MED12L: variants seen among roughly 807,000 people sequenced by gnomAD.
The protein encoded by MED12L is mediator of RNA polymerase II transcription subunit 12-like protein.
In MED12L, 60 loss-of-function variants were observed where a neutral mutation model predicts 281.3. That is an observed-to-expected ratio of 0.21 (90% CI 0.17 to 0.26). MED12L has a LOEUF of 0.26. MED12L is among the 10% of genes least tolerant of loss of function. The pLI is 1.00. For missense variants in MED12L, 2,146 were observed against 2,680.9 expected, an observed-to-expected ratio of 0.80 and a Z score of 4.41; for synonymous variants, 974 against 987.2, an observed-to-expected ratio of 0.99 and a Z score of 0.25.
At position 151,086,942 on chromosome 3, in the gene MED12L, C is replaced by T. The variant is rs532455340; in HGVS notation, c.16C>T (p.Leu6Phe). ...ATGAGAGATCATGGCCGCCTTCGGG[C>T]TTCTCAGCTATGAGCAGAGACCGCT... MAAFG[L>F]LSYEQRPLKR... The change falls in exon 2 of 45, where the codon CTT (leucine) becomes TTT (phenylalanine). Residue 6 changes from leucine (L) to phenylalanine (F), a missense_variant. Physicochemically the swap from Leu to Phe is conservative, Grantham distance 22. Transcript: ENST00000687756. 5 of 1,603,550 alleles carry T rather than the reference C, an allele frequency of 3.1e-6. No homozygotes were observed. The highest frequency in any genetic ancestry group is 1.7e-5 in the Admixed American group (1 of 58,904).
At chr3:151,424,578 G>A (rs530321102) in intron 43 of MED12L, among the ~76,000 whole-genome samples, 13 of 152,150 alleles carry the variant, frequency 8.5e-5, no homozygotes, top group Non-Finnish European at 1.0e-4. Context: ...CCGAGATTGC[G>A]CCACTGCACT....
In MED12L at chr3:151,433,488, T is replaced by TAA. The variant is rs1346682791; in HGVS notation, c.*685_*686dup. ...ACCAAGGTTTCTTTGAGAGCCGCCC[T>TAA]AAGATGTGCGGAAACCTGTTAGAAG... On this transcript the variant is annotated 3_prime_UTR_variant, in exon 45 of 45. Coordinates refer to ENST00000687756, the MANE Select transcript of MED12L (RefSeq NM_001393769.1). The TAA allele has an allele frequency of 2.0e-5, 3 of 152,648 alleles. No homozygotes were observed. Among genetic ancestry groups the TAA allele is most frequent in the African/African-American group, 7.2e-5 (3 of 41,468 alleles). 9.5% of individuals were successfully genotyped at this position (152,648 alleles called of 1,614,324 possible). A position where few individuals can be genotyped will look rare whatever the true frequency, so the allele number is the denominator to read the frequency against.
In MED12L at chr3:151,380,611, AAAAAC is replaced by A. The variant is rs1419153641; in HGVS notation, c.4590+390_4590+394del. Among the ~76,000 whole-genome samples, 4 of 152,040 alleles carry A rather than the reference AAAAAC, an allele frequency of 2.6e-5. No homozygotes were observed. The East Asian group carries it at 7.7e-4, about 29-fold the overall frequency. Reference sequence around the variant, plus strand: ...AAACTCTGTCTCAAAAAAAAAAAAAAAAAACAACTAGTAAGGTTACAAAATGTTTT... The same window carrying A: ...AAACTCTGTCTCAAAAAAAAAAAAAAAACTAGTAAGGTTACAAAATGTTTT... On this transcript the variant is annotated intron_variant, in intron 32 of 44. Transcript: ENST00000687756.
At chr3:151,430,407 A>G (rs1159950928) in intron 44 of MED12L, 27 bp downstream of exon 44, 1 of 1,611,510 alleles carries the variant, frequency 6.2e-7, no homozygotes, top group Non-Finnish European at 8.5e-7. Flanking sequence ...GTCATGGAAC[A>G]GACAGCTCCC....
At chr3:151,110,116 G>A (rs1453567543) in intron 2 of MED12L, among the ~76,000 whole-genome samples, 6 of 152,176 alleles carry the variant, frequency 3.9e-5, no homozygotes, top group Admixed American at 3.9e-4. Flanking sequence ...AAGAGGTTTG[G>A]GGCTAGTACA....
At chr3:151,146,936 G>A (rs1717834042) in intron 5 of MED12L, among the ~76,000 whole-genome samples, 1 of 152,144 alleles carries the variant, frequency 6.6e-6, no homozygotes, top group South Asian at 2.1e-4. Context: ...CACTGAGGCA[G>A]CAGTTTTCAT....
intron 16 of MED12L, among the ~76,000 whole-genome samples, chr3:151,234,237 A>G (rs1002834414): frequency 6.6e-6 from 1 of 152,266 alleles, no homozygotes; most frequent in Non-Finnish European, 1.5e-5. Flanking sequence ...GTGAAATTTT[A>G]TGCAGCAGTG....
intron 2 of MED12L, among the ~76,000 whole-genome samples, chr3:151,109,011 A>G (rs536086558): frequency 1.8e-4 from 27 of 152,312 alleles, no homozygotes; most frequent in Middle Eastern, 3.4e-3. Context: ...AGGTAAATGC[A>G]TGAGATTTAT....
At chr3:151,273,846 CTGT>C (rs1476137200) in intron 16 of MED12L, among the ~76,000 whole-genome samples, 2 of 152,304 alleles carry the variant, frequency 1.3e-5, no homozygotes, top group Non-Finnish European at 2.9e-5. Flanking sequence ...GTGATGCAGA[CTGT>C]TGTTTTCAAA....
chr3:151,390,530 G>A (rs1714069917), intron 38 of MED12L, among the ~76,000 whole-genome samples: 1 of 152,088 alleles, frequency 6.6e-6, no homozygotes, highest in African/African-American at 2.4e-5. Flanking sequence ...TAAGAAAATT[G>A]GTTCAGCAAG....
At chr3:151,338,203 C>G in intron 16 of MED12L, 3 of 1,614,068 alleles carry the variant, frequency 1.9e-6, no homozygotes, top group Non-Finnish European at 2.5e-6. Context: ...CGGTACAGTT[C>G]TTTTGTAATG....
chr3:151,096,725 T>A (rs1305622452), intron 2 of MED12L, among the ~76,000 whole-genome samples: 2 of 152,236 alleles, frequency 1.3e-5, no homozygotes, highest in East Asian at 3.8e-4. Context: ...ACCATCTCAT[T>A]CAATACAAAA....
intron 5 of MED12L, among the ~76,000 whole-genome samples, chr3:151,152,954 C>T (rs1413755672): frequency 6.6e-6 from 1 of 152,214 alleles, no homozygotes; most frequent in South Asian, 2.1e-4. Flanking sequence ...TTCCATTTCT[C>T]TCTTTAATAC....
At chr3:151,098,873 A>G (rs1576720911) in intron 2 of MED12L, among the ~76,000 whole-genome samples, 1 of 152,160 alleles carries the variant, frequency 6.6e-6, no homozygotes, top group African/African-American at 2.4e-5. Flanking sequence ...GTAATTTATA[A>G]AGAAAAAGAG....
At chr3:151,140,594 G>A (rs1273891579) in intron 5 of MED12L, among the ~76,000 whole-genome samples, 1 of 152,206 alleles carries the variant, frequency 6.6e-6, no homozygotes, top group Non-Finnish European at 1.5e-5. Context: ...CTGGTGTGTG[G>A]TTGTGGTGGT....
chr3:151,140,684 A>AT (rs61191389), intron 5 of MED12L, among the ~76,000 whole-genome samples: 4 of 151,698 alleles, frequency 2.6e-5, no homozygotes, highest in Admixed American at 6.5e-5. Flanking sequence ...TTATTTATTT[A>AT]TTATTTATTT....
intron 38 of MED12L, 85 bp from the exon 39 acceptor site, chr3:151,394,571 A>G: frequency 1.3e-6 from 2 of 1,575,060 alleles, no homozygotes; most frequent in Non-Finnish European, 1.7e-6. Context: ...GAGACTTAGA[A>G]GGTGAAATTT....
At chr3:151,296,819 T>TA (rs1291583737) in intron 16 of MED12L, among the ~76,000 whole-genome samples, 6 of 152,156 alleles carry the variant, frequency 3.9e-5, no homozygotes, top group African/African-American at 1.4e-4. Context: ...TAATAATATT[T>TA]ACTATAGTTA....
rs766867009 is a variant in MED12L at position 151,409,278 on chromosome 3, G to T, written c.5856G>T (p.Ala1952=). 1.9e-6 allele frequency: 3 copies of T among 1,611,496 alleles called. No individual in the cohort carries two copies. The highest frequency in any genetic ancestry group is 2.5e-6 in the Non-Finnish European group (3 of 1,179,236). ...GGGACCAGGCTGCTCTCTTTGCTGC[G>T]CAAGCACGGCCCTCCCCTCAGCTCC... The part of the protein sequence containing the change: ...QPGDQAALFA[A]QARPSPQLPQ... Residue 1952 remains alanine, a synonymous_variant, in exon 40 of 45, where the codon GCG becomes GCT. Transcript: ENST00000687756.
Sources: allele counts gnomAD v4.1 joint callset (sites outside exome capture counted in the v4.1 genomes callset), GRCh38; gene constraint gnomAD v4.1.1; transcripts MANE v1.5; gene names NCBI Gene and HGNC (gene_info 2026-07-23, HGNC 2026-07-21).